Variants in RIC3 observed in about 807,000 individuals in gnomAD.
RIC3 encodes protein RIC-3.
A neutral mutation model predicts 27.3 loss-of-function variants in RIC3; 28 were observed. The observed-to-expected ratio is 1.02, with a 90% CI of 0.76 to 1.41. The LOEUF (loss-of-function observed/expected upper bound fraction) is 1.41. Ranked by LOEUF, RIC3 falls within the 40% of genes most tolerant of loss-of-function variation. The pLI is 0.00. For missense variants in RIC3, 501 were observed against 444.7 expected, an observed-to-expected ratio of 1.13 and a Z score of -1.14; for synonymous variants, 184 against 160.4, an observed-to-expected ratio of 1.15 and a Z score of -1.11.
At position 8,110,366 on chromosome 11, in the gene RIC3, C is replaced by G. The variant is rs1287700876; in HGVS notation, c.*332G>C. ...GTTCACAGGTGAACTATCTGTTACA[C>G]CTACCAGGAAGAGTCAGACCTTTGC... On this transcript the variant is annotated 3_prime_UTR_variant, in exon 6 of 6. Transcript: ENST00000309737. 4.9e-6 allele frequency: 2 copies of G among 408,990 alleles called. No individual in the cohort carries two copies. The highest frequency in any genetic ancestry group is 9.2e-6 in the Non-Finnish European group (2 of 216,570). The allele number at this position is 408,990 out of a possible 1,614,324, so 25.3% of individuals were successfully genotyped here. A position where few individuals can be genotyped will look rare whatever the true frequency, so the allele number is the denominator to read the frequency against.
chr11:8,096,567 A>C, the RIC3 span: 10 of 736,596 alleles, frequency 1.4e-5, no homozygotes, highest in Non-Finnish European at 2.5e-5. Context: ...GAGTGTGTGC[A>C]TAAGTTTGTG....
Position 8,112,669 on chromosome 11 carries a change from T to A in RIC3, c.671-1532A>T, listed in dbSNP as rs188571520. On this transcript the variant is annotated intron_variant, in intron 5 of 5. Coordinates refer to ENST00000309737, the MANE Select transcript of RIC3 (RefSeq NM_001206671.4). ...GTATAAAAGGTTATATCCTGATGTT[T>A]TTCAATTCAACATTATATCATGAGC... Among the ~76,000 whole-genome samples the A allele has an allele frequency of 1.9e-3, 294 of 152,336 alleles. 1 individual carries two copies. The highest frequency in any genetic ancestry group is 6.7e-3 in the African/African-American group (277 of 41,570).
intron 4 of RIC3, chr11:8,128,201 CA>C (rs1565008211): frequency 2.2e-6 from 1 of 457,388 alleles, no homozygotes; most frequent in Non-Finnish European, 4.4e-6. Context: ...GCTTCTGGGG[CA>C]GACTAGAAGA....
the RIC3 span, chr11:8,097,492 G>A: frequency 4.4e-6 from 7 of 1,601,078 alleles, no homozygotes; most frequent in Admixed American, 3.4e-5. Flanking sequence ...GGGCTGAAAT[G>A]TGACTGGAAG....
At chr11:8,162,626 CTTCTT>C (rs1951274807) in intron 1 of RIC3, among the ~76,000 whole-genome samples, 1 of 106,538 alleles carries the variant, frequency 9.4e-6, no homozygotes, top group Non-Finnish European at 1.9e-5. Context: ...CTCCATGCTT[CTTCTT>C]TTTTTTTTTT....
At chr11:8,112,290 TTTTC>T (rs201123850) in intron 5 of RIC3, among the ~76,000 whole-genome samples, 6,644 of 139,112 alleles carry the variant, frequency 0.048, 170 homozygotes, top group South Asian at 0.11. Context: ...TTTTCTTTTC[TTTTC>T]TTTTTTTTTT....
At chr11:8,142,451 C>A (rs1221718504) in intron 1 of RIC3, among the ~76,000 whole-genome samples, 4 of 151,370 alleles carry the variant, frequency 2.6e-5, no homozygotes, top group Admixed American at 1.3e-4. Context: ...TTCCTCAACA[C>A]ATACACTCTC....
the RIC3 span, among the ~76,000 whole-genome samples, chr11:8,099,754 G>A: frequency 1.2e-4 from 18 of 152,304 alleles, no homozygotes; most frequent in African/African-American, 4.3e-4. Flanking sequence ...ATTTCAGAAT[G>A]GCAGGGAGGG....
rs764172937 is a variant in RIC3 at position 8,110,459 on chromosome 11, T to C, written c.*239A>G. 11 of 593,106 alleles carry C rather than the reference T, an allele frequency of 1.9e-5. No homozygotes were observed. The highest frequency in any genetic ancestry group is 5.5e-5 in the Admixed American group (2 of 36,328). The allele number at this position is 593,106 out of a possible 1,614,324, so 36.7% of individuals were successfully genotyped here. ...TTACTTAATGGATCAACTTCTCTGATAGAGGAAAGGCAGGAAGAGAAAGAG... is the reference window on the plus strand; with the variant it reads ...TTACTTAATGGATCAACTTCTCTGACAGAGGAAAGGCAGGAAGAGAAAGAG... On this transcript the variant is annotated 3_prime_UTR_variant, in exon 6 of 6. Transcript: ENST00000309737.
intron 3 of RIC3, 51 bp downstream of exon 3, chr11:8,138,221 A>G (rs1948628823): frequency 2.3e-6 from 3 of 1,316,608 alleles, no homozygotes; most frequent in Non-Finnish European, 2.2e-6. Context: ...TGTGGCTATA[A>G]AACTGTTTGA....
At chr11:8,101,617 T>C, downstream of RIC3, 1 of 1,614,108 alleles carries the variant, frequency 6.2e-7, no homozygotes, top group Non-Finnish European at 8.5e-7. Context: ...GGCGTGCGAG[T>C]AGAGGCCTCT....
At chr11:8,155,148 G>A (rs1292889684) in intron 1 of RIC3, among the ~76,000 whole-genome samples, 2 of 150,266 alleles carry the variant, frequency 1.3e-5, no homozygotes, top group African/African-American at 2.5e-5. Context: ...TCAAGCCCAG[G>A]AGTTTGAGGC....
intron 5 of RIC3, among the ~76,000 whole-genome samples, chr11:8,116,670 T>G (rs1197765829): frequency 6.6e-6 from 1 of 152,190 alleles, no homozygotes; most frequent in Non-Finnish European, 1.5e-5. Flanking sequence ...GTGCTCAACA[T>G]CATTAAACAT....
chr11:8,161,549 C>T (rs1019963146), intron 1 of RIC3, among the ~76,000 whole-genome samples: 1 of 152,220 alleles, frequency 6.6e-6, no homozygotes. Context: ...CCTTTGGGAA[C>T]TCCTCTCAAC....
At chr11:8,093,884 A>C in the RIC3 span, among the ~76,000 whole-genome samples, 1 of 151,984 alleles carries the variant, frequency 6.6e-6, no homozygotes, top group African/African-American at 2.4e-5. Flanking sequence ...CCTAGTAGAG[A>C]TGAGTGGGCC....
At chr11:8,096,877 G>A in the RIC3 span, 4 of 1,555,916 alleles carry the variant, frequency 2.6e-6, no homozygotes, top group African/African-American at 5.4e-5. Context: ...GACTGCATGT[G>A]AAGAGATGGA....
chr11:8,156,899 C>G (rs139607158), intron 1 of RIC3, among the ~76,000 whole-genome samples: 3 of 152,208 alleles, frequency 2.0e-5, no homozygotes, highest in East Asian at 3.9e-4. Context: ...AACCGGGAAA[C>G]AAAAACAGGT....
chr11:8,144,902 T>C (rs890057151), intron 1 of RIC3, among the ~76,000 whole-genome samples: 3 of 150,082 alleles, frequency 2.0e-5, no homozygotes, highest in East Asian at 2.0e-4. Context: ...AAATTGGAAA[T>C]CATCATTCTC....
intron 1 of RIC3, among the ~76,000 whole-genome samples, chr11:8,155,078 G>A (rs564339520): frequency 2.6e-5 from 4 of 152,036 alleles, no homozygotes; most frequent in South Asian, 2.1e-4. Flanking sequence ...TAAATCAGCC[G>A]GGTGTGGTGG....
Sources: gnomAD v4.1 joint callset for allele counts (sites outside exome capture counted in the v4.1 genomes callset) on GRCh38, gnomAD v4.1.1 for gene constraint, MANE v1.5 for transcripts, NCBI Gene and HGNC (gene_info 2026-07-23, HGNC 2026-07-21) for gene names.